Variants in CCNB3 observed in about 807,000 individuals in gnomAD.
The protein encoded by CCNB3 is G2/mitotic-specific cyclin-B3.
Under a neutral mutation model 68.0 loss-of-function variants are expected in CCNB3, and 12 were observed. The ratio of observed to expected loss-of-function variants is 0.18; its 90% CI spans 0.11 to 0.29. The LOEUF (loss-of-function observed/expected upper bound fraction) is 0.29, where lower values mean the gene tolerates loss of function less well. Ranked by LOEUF, CCNB3 falls within the 10% of genes least tolerant of loss-of-function variation. The probability of loss-of-function intolerance (pLI) is 1.00; values close to 1 mark genes in which losing one functional copy is unlikely to be tolerated. For missense variants in CCNB3, 904 were observed against 993.1 expected, an observed-to-expected ratio of 0.91 and a Z score of 1.21; for synonymous variants, 354 against 388.9, an observed-to-expected ratio of 0.91 and a Z score of 1.06.
intron 4 of CCNB3, among the ~76,000 whole-genome samples, chrX:50,289,579 C>T (rs973121027): frequency 2.7e-5 from 3 of 111,709 alleles, no homozygotes; most frequent in Admixed American, 9.5e-5. Context: ...ATAACTGGTA[C>T]ACTTACTGGG....
At chrX:50,330,246 C>T (rs1166251899) in intron 8 of CCNB3, among the ~76,000 whole-genome samples, 2 of 111,769 alleles carry the variant, frequency 1.8e-5, no homozygotes, top group Non-Finnish European at 3.8e-5. Flanking sequence ...TGGAACGGAA[C>T]AGGACAGGGA....
chrX:50,226,359 G>A (rs1182475094), intron 1 of CCNB3, among the ~76,000 whole-genome samples: 3 of 18,255 alleles, frequency 1.6e-4, no homozygotes, highest in Non-Finnish European at 2.7e-4. Context: ...ATAAAAATAT[G>A]TATAGAATAT....
chrX:50,290,118 C>G (rs1323260001), intron 4 of CCNB3, among the ~76,000 whole-genome samples: 1 of 112,191 alleles, frequency 8.9e-6, no homozygotes, highest in Non-Finnish European at 1.9e-5. Flanking sequence ...GGAGCAGATG[C>G]AGCCTATCTT....
chrX:50,311,736 C>T (rs1557215081), intron 6 of CCNB3, among the ~76,000 whole-genome samples: 1 of 110,169 alleles, frequency 9.1e-6, no homozygotes, highest in Non-Finnish European at 1.9e-5. Context: ...GATGCAGAAT[C>T]ATCTCTTCTC....
At chrX:50,227,205 A>G (rs1178828291) in intron 1 of CCNB3, among the ~76,000 whole-genome samples, 1 of 82,359 alleles carries the variant, frequency 1.2e-5, no homozygotes, top group Non-Finnish European at 2.2e-5. Flanking sequence ...TAGAGAATAT[A>G]TATAAATATA....
chrX:50,341,805 A>G (rs782754953), intron 8 of CCNB3: 1 of 139,828 alleles, frequency 7.2e-6, no homozygotes, highest in African/African-American at 3.2e-5. Context: ...AAAGTAGTAC[A>G]TGAATAAACT....
At chrX:50,287,794 C>A (rs1368909568) in intron 3 of CCNB3, among the ~76,000 whole-genome samples, 2 of 110,778 alleles carry the variant, frequency 1.8e-5, no homozygotes, top group Non-Finnish European at 1.9e-5. Flanking sequence ...TGGACCAGTA[C>A]TAGTCTGTGG....
chrX:50,324,800 T>C (rs1278233396), intron 8 of CCNB3, among the ~76,000 whole-genome samples: 1 of 112,123 alleles, frequency 8.9e-6, no homozygotes, highest in African/African-American at 3.2e-5. Flanking sequence ...TTTTGAAAAA[T>C]AGTGTTGTAG....
intron 8 of CCNB3, among the ~76,000 whole-genome samples, chrX:50,337,136 G>A (rs1222588799): frequency 1.8e-5 from 2 of 110,334 alleles, no homozygotes; most frequent in Non-Finnish European, 1.9e-5. Flanking sequence ...GTCTTGGGCC[G>A]TAAGTGAGCT....
intron 1 of CCNB3, among the ~76,000 whole-genome samples, chrX:50,279,927 T>A (rs1936082205): frequency 1.2e-5 from 1 of 85,643 alleles, no homozygotes; most frequent in South Asian, 5.3e-4. Flanking sequence ...ATATATAGAA[T>A]AAATATGTAT....
intron 8 of CCNB3, among the ~76,000 whole-genome samples, chrX:50,332,896 A>G (rs781905120): frequency 1.5e-4 from 17 of 111,462 alleles, no homozygotes; most frequent in Middle Eastern, 9.2e-3. Context: ...ATTCAATTTC[A>G]CCTAACTCTC....
At chrX:50,326,466 C>T (rs995954350) in intron 8 of CCNB3, among the ~76,000 whole-genome samples, 1 of 111,270 alleles carries the variant, frequency 9.0e-6, no homozygotes, top group Admixed American at 9.6e-5. Context: ...CTTTTCTCTT[C>T]GTGTGTGTAT....
chrX:50,221,240 A>AT (rs1441525390), intron 1 of CCNB3, among the ~76,000 whole-genome samples: 2 of 110,720 alleles, frequency 1.8e-5, no homozygotes, highest in Non-Finnish European at 3.8e-5. Flanking sequence ...GTATTCTTCG[A>AT]TTTTTTGAAG....
At position 50,310,372 on chromosome X, in the gene CCNB3, C is replaced by A. The variant is rs1557214538; in HGVS notation, c.2203C>A (p.Leu735Ile). ...INKLLALKEE[L>I]SAEAATNIQT... ...TAAGCTATTGGCTCTGAAGGAGGAG[C>A]TTTCTGCTGAGGCAGCCACAAACAT... Residue 735 changes from leucine (L) to isoleucine (I), a missense_variant, in exon 6 of 13, where the codon CTT becomes ATT. By Grantham distance (5) the Leu-to-Ile change is conservative. This residue lies in a region of CCNB3 where 619 missense variants were observed against 609.8 expected (regional missense o/e 1.02). Transcript: ENST00000376042. 3.3e-6 allele frequency: 4 copies of A among 1,211,739 alleles called. No individual in the cohort carries two copies. Among genetic ancestry groups the A allele is most frequent in the South Asian group, 3.5e-5 (2 of 56,977 alleles).
Position 50,310,416 on chromosome X carries a change from AAAG to A in CCNB3, c.2254_2256del (p.Lys752del). The A allele has an allele frequency of 1.7e-6, 2 of 1,211,387 alleles. No individual in the cohort carries two copies. Among genetic ancestry groups the A allele is most frequent in the South Asian group, 1.8e-5 (1 of 56,895 alleles). ...CAAACATACAGACACAATTATCTTTAAAGAAGAAGTCCACTTCTCATGGAAAAG... is the reference window on the plus strand; with the variant it reads ...CAAACATACAGACACAATTATCTTTAAAGAAGTCCACTTCTCATGGAAAAG... On this transcript the variant is annotated inframe_deletion, in exon 6 of 13. Transcript: ENST00000376042.
chrX:50,324,444 TTTC>T (rs1404672423), intron 8 of CCNB3, among the ~76,000 whole-genome samples: 1 of 112,345 alleles, frequency 8.9e-6, no homozygotes, highest in Non-Finnish European at 1.9e-5. Context: ...TTTATAATGA[TTTC>T]TTTTCTCACT....
chrX:50,226,934 G>C lies in CCNB3; in HGVS notation c.-113+21984G>C, dbSNP rs1427370864. Among the ~76,000 whole-genome samples the C allele has an allele frequency of 6.5e-3, 306 of 47,332 alleles. 1 individual carries two copies. Among genetic ancestry groups the C allele is most frequent in the South Asian group, 0.038 (42 of 1,105 alleles). The allele number at this position is 47,332 out of a possible 115,157, so 41.1% of individuals were successfully genotyped here. A position where few individuals can be genotyped will look rare whatever the true frequency, so the allele number is the denominator to read the frequency against. ...ATAGTATATATATAGAATATATATA[G>C]TATATATATAGAATATATATAGTAT... On this transcript the variant is annotated intron_variant, in intron 1 of 12. Coordinates refer to ENST00000376042, the MANE Select transcript of CCNB3 (RefSeq NM_033031.3).
At chrX:50,211,014 C>G (rs1280347948) in intron 1 of CCNB3, among the ~76,000 whole-genome samples, 2 of 111,414 alleles carry the variant, frequency 1.8e-5, no homozygotes, top group Non-Finnish European at 3.8e-5. Context: ...GTAATTGCAG[C>G]ACTTTGGGAG....
In CCNB3 at chrX:50,310,050, A is replaced by G. The variant is rs1557214416; in HGVS notation, c.1881A>G (p.Lys627=). ...AGAAGCTGTTGCCCTTTAAGATGAAATCTACAACGGAAGAAAAGTTCCTCT... is the reference window on the plus strand; with the variant it reads ...AGAAGCTGTTGCCCTTTAAGATGAAGTCTACAACGGAAGAAAAGTTCCTCT... ...FYKKLLPFKM[K]STTEEKFLSQ... is the part of the protein sequence containing the mutation. The change falls in exon 6 of 13, where the codon AAA becomes AAG. Residue 627 remains lysine (K), a synonymous_variant. Coordinates refer to ENST00000376042, the MANE Select transcript of CCNB3 (RefSeq NM_033031.3). The G allele has an allele frequency of 8.3e-7, 1 of 1,209,375 alleles. No individual in the cohort carries two copies.
Sources: gnomAD v4.1 joint callset for allele counts (sites outside exome capture counted in the v4.1 genomes callset) on GRCh38, gnomAD v4.1.1 for gene constraint, gnomAD v4.1.1 regional missense constraint, MANE v1.5 for transcripts, NCBI Gene and HGNC (gene_info 2026-07-23, HGNC 2026-07-21) for gene names.